The following UGGT2 variants were observed in gnomAD, a reference collection of about 807,000 sequenced individuals.
UGGT2 encodes the protein UDP-glucose glycoprotein glucosyltransferase 2, also known as UDP-glucose:glycoprotein glucosyltransferase 2.
A neutral mutation model predicts 192.1 loss-of-function variants in UGGT2; 180 were observed. That is an observed-to-expected ratio of 0.94 (90% CI 0.83 to 1.06). UGGT2 has a LOEUF of 1.06. Ranked by LOEUF, UGGT2 falls within the 50% of genes least tolerant of loss-of-function variation. The probability of loss-of-function intolerance (pLI) is 0.00; values close to 1 mark genes in which losing one functional copy is unlikely to be tolerated. For synonymous variants in UGGT2, 580 were observed against 591.0 expected (o/e 0.98, Z 0.27); for missense variants, 1,849 against 1,795.7 (o/e 1.03, Z -0.54).
Position 95,900,859 on chromosome 13 carries a change from T to C in UGGT2, c.2582A>G (p.Gln861Arg). 1 of 1,611,974 alleles carries C rather than the reference T, an allele frequency of 6.2e-7. No individual in the cohort carries two copies. The highest frequency in any genetic ancestry group is 8.5e-7 in the Non-Finnish European group (1 of 1,179,176). ...TCCAGGACGTAATTTAAGTACATCT[T>C]GACAGAACAACTGGTGAGTTCGAAA... ...NIFRTHQLFC[Q>R]DVLKLRPGEM... Residue 861 changes from glutamine (Q) to arginine (R), a missense_variant, in exon 22 of 39, where the codon CAA becomes CGA. By Grantham distance (43) the Gln-to-Arg change is conservative. Transcript: ENST00000376747.
chr13:95,838,787 T>C (rs540866509), intron 36 of UGGT2, among the ~76,000 whole-genome samples: 2 of 152,238 alleles, frequency 1.3e-5, no homozygotes, highest in South Asian at 4.1e-4. Context: ...TGGCCTACCA[T>C]ATTATCTAAG....
intron 38 of UGGT2, among the ~76,000 whole-genome samples, chr13:95,830,505 G>A (rs1430518574): frequency 6.6e-6 from 1 of 152,204 alleles, no homozygotes; most frequent in Non-Finnish European, 1.5e-5. Context: ...CGATATTTAT[G>A]CAGCCAACAG....
chr13:96,005,262 T>C (rs761196327), intron 5 of UGGT2, among the ~76,000 whole-genome samples: 2 of 152,168 alleles, frequency 1.3e-5, no homozygotes, highest in Non-Finnish European at 2.9e-5. Context: ...CCAGGACAGA[T>C]ACCACCAAAT....
intron 29 of UGGT2, among the ~76,000 whole-genome samples, chr13:95,874,623 G>A (rs745571618): frequency 1.1e-4 from 16 of 152,088 alleles, no homozygotes; most frequent in Admixed American, 5.9e-4. Context: ...AACCATGGGC[G>A]ACTGAAACCA....
At chr13:95,956,259 A>G (rs9590351) in intron 12 of UGGT2, among the ~76,000 whole-genome samples, 8,603 of 152,264 alleles carry the variant, frequency 0.057, 371 homozygotes, top group East Asian at 0.16. Context: ...ATAAATCTGC[A>G]TTTATGATCA....
chr13:95,933,302 C>T (rs2049349636), intron 17 of UGGT2, among the ~76,000 whole-genome samples: 2 of 152,128 alleles, frequency 1.3e-5, no homozygotes, highest in African/African-American at 4.8e-5. Flanking sequence ...CTTCCTGATT[C>T]AATCTTGGGA....
chr13:95,971,068 G>A (rs2050757696), intron 11 of UGGT2, among the ~76,000 whole-genome samples: 2 of 152,074 alleles, frequency 1.3e-5, no homozygotes, highest in South Asian at 4.1e-4. Context: ...GGAGGCTCTG[G>A]CTCCTCCCGC....
chr13:96,026,286 T>TGA (rs1401215643), intron 2 of UGGT2, among the ~76,000 whole-genome samples: 1 of 152,162 alleles, frequency 6.6e-6, no homozygotes, highest in Non-Finnish European at 1.5e-5. Flanking sequence ...TTCCAAGAGT[T>TGA]ATTCATGAGG....
At chr13:95,831,190 T>C (rs987274038) in intron 38 of UGGT2, among the ~76,000 whole-genome samples, 1 of 152,118 alleles carries the variant, frequency 6.6e-6, no homozygotes, top group Non-Finnish European at 1.5e-5. Context: ...GACGAGTTAG[T>C]GGGTGCAGCA....
intron 1 of UGGT2, among the ~76,000 whole-genome samples, chr13:96,035,375 C>T (rs1256224420): frequency 1.3e-5 from 2 of 152,158 alleles, no homozygotes; most frequent in Admixed American, 6.5e-5. Flanking sequence ...AAAACTGAAA[C>T]TGGACCCCTT....
Position 95,884,475 on chromosome 13 carries a change from A to T in UGGT2, c.3228+16T>A, listed in dbSNP as rs889118237. 6.3e-7 allele frequency: 1 copy of T among 1,593,968 alleles called. No homozygotes were observed. The highest frequency in any genetic ancestry group is 1.3e-5 in the African/African-American group (1 of 74,262). ...CCTGTTTCTCTCTCTTTATATGACT[A>T]TACACAATAACTTACATCCTTTAAG... On this transcript the variant is annotated intron_variant, in intron 27 of 38. Transcript: ENST00000376747.
intron 36 of UGGT2, among the ~76,000 whole-genome samples, chr13:95,853,156 T>C (rs1889221943): frequency 6.6e-6 from 1 of 152,136 alleles, no homozygotes; most frequent in African/African-American, 2.4e-5. Flanking sequence ...TGCTTCCCCT[T>C]CCGCCATGAT....
chr13:95,819,617 G>T (rs1239204585), intron 38 of UGGT2, among the ~76,000 whole-genome samples: 1 of 152,058 alleles, frequency 6.6e-6, no homozygotes. Context: ...ATAAAAACTG[G>T]TATTAGGCCA....
intron 15 of UGGT2, among the ~76,000 whole-genome samples, chr13:95,945,648 G>T (rs2049840546): frequency 6.6e-6 from 1 of 152,036 alleles, no homozygotes; most frequent in African/African-American, 2.4e-5. Context: ...TCTAAGTTTT[G>T]AATATCATAA....
chr13:95,890,314 G>T (rs981548855), intron 25 of UGGT2, among the ~76,000 whole-genome samples: 5 of 152,166 alleles, frequency 3.3e-5, no homozygotes, highest in Admixed American at 2.6e-4. Context: ...AGATGGAGTG[G>T]TTTAAACAAT....
chr13:96,028,026 A>C (rs2052720031), intron 2 of UGGT2, among the ~76,000 whole-genome samples: 1 of 152,234 alleles, frequency 6.6e-6, no homozygotes, highest in Non-Finnish European at 1.5e-5. Flanking sequence ...TCTTCTCATC[A>C]GATTCCCTTA....
chr13:95,923,113 G>A (rs2048900068), intron 20 of UGGT2, among the ~76,000 whole-genome samples: 1 of 152,104 alleles, frequency 6.6e-6, no homozygotes, highest in South Asian at 2.1e-4. Context: ...GTGCAATGGT[G>A]TGATCATAGC....
chr13:95,987,864 G>C (rs2051338390), intron 8 of UGGT2, among the ~76,000 whole-genome samples: 1 of 152,004 alleles, frequency 6.6e-6, no homozygotes, highest in Non-Finnish European at 1.5e-5. Context: ...TCCTGCTCCG[G>C]GCCCCCAAAA....
At chr13:96,042,609 T>G (rs1188732711) in intron 1 of UGGT2, among the ~76,000 whole-genome samples, 1 of 130,556 alleles carries the variant, frequency 7.7e-6, no homozygotes, top group South Asian at 2.4e-4. Context: ...TTTAAGGAAA[T>G]AAAAAAAAAA....
Sources: gnomAD v4.1 joint callset for allele counts (sites outside exome capture counted in the v4.1 genomes callset) on GRCh38, gnomAD v4.1.1 for gene constraint, MANE v1.5 for transcripts, NCBI Gene and HGNC (gene_info 2026-07-23, HGNC 2026-07-21) for gene names.